The following TPSG1 variants were observed in gnomAD, a reference collection of about 807,000 sequenced individuals.
TPSG1 encodes tryptase gamma.
Under a neutral mutation model 23.8 loss-of-function variants are expected in TPSG1, and 43 were observed. The observed-to-expected ratio is 1.81, with a 90% CI of 1.42 to 2.33. The LOEUF (loss-of-function observed/expected upper bound fraction) is 2.33, where lower values mean the gene tolerates loss of function less well. TPSG1 is among the 30% of genes most tolerant of loss of function. The probability of loss-of-function intolerance (pLI) is 0.00; values close to 1 mark genes in which losing one functional copy is unlikely to be tolerated. For missense variants in TPSG1, 623 were observed against 438.6 expected (o/e 1.42, Z -3.75); for synonymous variants, 302 against 201.3 (o/e 1.50, Z -4.23).
intron 4 of TPSG1, 35 bp from the exon 5 acceptor site, chr16:1,222,376 G>A: frequency 6.5e-7 from 1 of 1,549,382 alleles, no homozygotes; most frequent in South Asian, 1.2e-5. Context: ...GAGAAGGTTG[G>A]GGCACCAGGC....
At position 1,222,774 on chromosome 16, in the gene TPSG1, T is replaced by C. The variant is rs1314559632; in HGVS notation, c.389A>G (p.Glu130Gly). ...PGTSGDIALV[E>G]LSVPVTLSSR... ...GGAGAGGGTCACGGGGACACTGAGCTCCACCAGGGCGATGTCCCCGCTGGT... is the reference window on the plus strand; with the variant it reads ...GGAGAGGGTCACGGGGACACTGAGCCCCACCAGGGCGATGTCCCCGCTGGT... Residue 130 changes from glutamate to glycine, a missense_variant, in exon 4 of 6, where the codon GAG becomes GGG. Coordinates refer to ENST00000234798, the MANE Select transcript of TPSG1 (RefSeq NM_012467.4). 1 of 1,612,258 alleles carries C rather than the reference T, an allele frequency of 6.2e-7. No individual in the cohort carries two copies. The highest frequency in any genetic ancestry group is 8.5e-7 in the Non-Finnish European group (1 of 1,179,734).
intron 3 of TPSG1, 125 bp from the exon 4 acceptor site, chr16:1,223,042 CAGAA>C: frequency 7.9e-7 from 1 of 1,263,266 alleles, no homozygotes; most frequent in Non-Finnish European, 1.1e-6. Context: ...GCTTGGGACG[CAGAA>C]AGCCTGGGCA....
rs528265465 is a variant in TPSG1 at position 1,223,632 on chromosome 16, C to T, written c.74-38G>A. 3.3e-6 allele frequency: 5 copies of T among 1,524,472 alleles called. No homozygotes were observed. In the African/African-American group the frequency reaches 4.2e-5, roughly 13 times the overall value. The allele number at this position is 1,524,472 out of a possible 1,614,324, so 94.4% of individuals were successfully genotyped here. A position where few individuals can be genotyped will look rare whatever the true frequency, so the allele number is the denominator to read the frequency against. ...AGGAAGGGGTGCCTGGTGGGGATCC[C>T]AAGAAACCCACTGCACTTCCTCCAT... On this transcript the variant is annotated intron_variant, in intron 2 of 5. Transcript: ENST00000234798.
chr16:1,223,492 C>A lies in TPSG1; in HGVS notation c.176G>T (p.Arg59Met). ...WPWQASLRLR[R>M]VHVCGGSLLS... ...CAGTGACCCGCCGCACACGTGCACC[C>A]TCCGCAGGCGGAGGCTGGCCTGCCA... Residue 59 changes from arginine to methionine, a missense_variant, in exon 3 of 6, where the codon AGG becomes ATG. Arg to Met is a moderately conservative substitution (Grantham distance 91, BLOSUM62 -1). Transcript: ENST00000234798. The A allele has an allele frequency of 6.3e-7, 1 of 1,576,770 alleles. No individual in the cohort carries two copies. The highest frequency in any genetic ancestry group is 2.3e-5 in the East Asian group (1 of 43,236).
chr16:1,222,479 C>T (rs942031169), intron 4 of TPSG1, 138 bp from the exon 5 acceptor site: 18 of 1,255,566 alleles, frequency 1.4e-5, no homozygotes, highest in South Asian at 4.3e-5. Context: ...TGACGTTTGG[C>T]TGCTGCTTTG....
chr16:1,223,701 G>A (rs1000491486), intron 2 of TPSG1, 107 bp from the exon 3 acceptor site: 3 of 1,300,074 alleles, frequency 2.3e-6, no homozygotes, highest in Non-Finnish European at 3.1e-6. Context: ...TGGGGACTTT[G>A]CTCTTCAGCT....
chr16:1,224,582 C>G lies in TPSG1; in HGVS notation c.73+20G>C. 1 of 1,613,764 alleles carries G rather than the reference C, an allele frequency of 6.2e-7. No individual in the cohort carries two copies. The highest frequency in any genetic ancestry group is 1.1e-5 in the South Asian group (1 of 91,086). On this transcript the variant is annotated intron_variant, in intron 2 of 5. Transcript: ENST00000234798. ...CTTGCCTGCACCCTCCCCCACACCC[C>G]ACACCTGTCAGAGACGTACCTGGCT...
Position 1,222,898 on chromosome 16 carries a change from AG to A in TPSG1, c.264del (p.Tyr89ThrfsTer19). On this transcript the variant is annotated frameshift_variant, in exon 4 of 6. Coordinates refer to ENST00000234798, the MANE Select transcript of TPSG1 (RefSeq NM_012467.4). LOFTEE classifies it high-confidence loss of function. ...TCCAGTTCCCCCAGGTGCACCTGGT[AG>A]TCGGATGAGTTCAGGGACCTGGGAG... The part of the protein sequence containing the change: ...HCFSGSLNSS[D>X]YQVHLGELEI... 1 of 1,607,510 alleles carries A rather than the reference AG, an allele frequency of 6.2e-7. No individual in the cohort carries two copies. Among genetic ancestry groups the A allele is most frequent in the East Asian group, 2.2e-5 (1 of 44,750 alleles).
chr16:1,223,041 G>T (rs990253478), intron 3 of TPSG1, 124 bp from the exon 4 acceptor site: 1 of 1,263,286 alleles, frequency 7.9e-7, no homozygotes, highest in Middle Eastern at 2.8e-4. Context: ...GGCTTGGGAC[G>T]CAGAAAGCCT....
intron 2 of TPSG1, chr16:1,224,080 G>A (rs1284891476): frequency 3.6e-5 from 7 of 194,624 alleles, no homozygotes; most frequent in Non-Finnish European, 7.2e-5. Context: ...TTTATCTTCT[G>A]TAAACTTCAC....
At chr16:1,224,753 C>A in intron 1 of TPSG1, 125 bp from the exon 2 acceptor site, 1 of 1,237,866 alleles carries the variant, frequency 8.1e-7, no homozygotes, top group Non-Finnish European at 1.2e-6. Context: ...GCAGAGGGGC[C>A]CGGCCTGGTG....
In TPSG1 at chr16:1,224,482, G is replaced by T. The variant is rs2294610; in HGVS notation, c.73+120C>A. 150 of 1,352,078 alleles carry T rather than the reference G, an allele frequency of 1.1e-4. 1 individual carries two copies. The African/African-American group carries it at 1.9e-3, about 17-fold the overall frequency. The allele number at this position is 1,352,078 out of a possible 1,614,324, so 83.8% of individuals were successfully genotyped here. A position where few individuals can be genotyped will look rare whatever the true frequency, so the allele number is the denominator to read the frequency against. Reference sequence around the variant, plus strand: ...GAGAGATGCGAGCAGAAACCACGGCGACAAACTATGACCTCCCCGGGCCCC... The same window carrying T: ...GAGAGATGCGAGCAGAAACCACGGCTACAAACTATGACCTCCCCGGGCCCC... On this transcript the variant is annotated intron_variant, in intron 2 of 5. Coordinates refer to ENST00000234798, the MANE Select transcript of TPSG1 (RefSeq NM_012467.4).
rs908900209 is a variant in TPSG1 at position 1,222,182 on chromosome 16, C to A, written c.657+14G>T. ...CAGCCGCCCCCATCCTCTGTCACGGCCTGGCAGGCTCACCTGGCAGGCATC... is the reference window on the plus strand; with the variant it reads ...CAGCCGCCCCCATCCTCTGTCACGGACTGGCAGGCTCACCTGGCAGGCATC... On this transcript the variant is annotated intron_variant, in intron 5 of 5. Transcript: ENST00000234798. The A allele has an allele frequency of 1.9e-6, 3 of 1,611,392 alleles. No individual in the cohort carries two copies. Among genetic ancestry groups the A allele is most frequent in the African/African-American group, 1.3e-5 (1 of 75,046 alleles).
chr16:1,222,274 G>C lies in TPSG1; in HGVS notation c.579C>G (p.Arg193=). ...KVSVVDTETC[R]RDYPGPGGSI... ...TGCCCCCGGGGCCGGGATAGTCCCG[G>C]CGGCAGGTCTCTGTGTCCACCACGG... Residue 193 remains arginine, a synonymous_variant, in exon 5 of 6, where the codon CGC becomes CGG. Transcript: ENST00000234798. 1 of 1,611,954 alleles carries C rather than the reference G, an allele frequency of 6.2e-7. No homozygotes were observed.
In TPSG1 at chr16:1,223,321, C is replaced by G. The variant is rs1011653611; in HGVS notation, c.245+102G>C. 15 of 1,372,808 alleles carry G rather than the reference C, an allele frequency of 1.1e-5. No homozygotes were observed. The African/African-American group carries it at 2.2e-4, about 20-fold the overall frequency. 85.0% of individuals were successfully genotyped at this position (1,372,808 alleles called of 1,614,324 possible). A position where few individuals can be genotyped will look rare whatever the true frequency, so the allele number is the denominator to read the frequency against. ...TGGAAGGAAGTAGGCTCAGAGTTCC[C>G]AAGCCTCGGAGTGAGTCAAGACCAA... On this transcript the variant is annotated intron_variant, in intron 3 of 5. Coordinates refer to ENST00000234798, the MANE Select transcript of TPSG1 (RefSeq NM_012467.4).
At chr16:1,224,773 C>G (rs111259374) in intron 1 of TPSG1, 145 bp from the exon 2 acceptor site, 44,404 of 945,158 alleles carry the variant, frequency 0.047, 1,313 homozygotes, top group Middle Eastern at 0.069. Flanking sequence ...GAGGCTGGGT[C>G]AACTGCTGTC....
Position 1,222,104 on chromosome 16 carries a change from CAG to C in TPSG1, c.658-10_658-9del. The C allele has an allele frequency of 1.2e-6, 2 of 1,612,672 alleles. No homozygotes were observed. Among genetic ancestry groups the C allele is most frequent in the East Asian group, 2.2e-5 (1 of 44,872 alleles). Reference sequence around the variant, plus strand: ...AGGCCCCCCGGAGTCGTCCTGAGGACAGAGAAGGCGAGCATTGGGAGCCGAGA... The same window carrying C: ...AGGCCCCCCGGAGTCGTCCTGAGGACAGAAGGCGAGCATTGGGAGCCGAGA... On this transcript the variant is annotated splice_polypyrimidine_tract_variant and intron_variant, in intron 5 of 5. Transcript: ENST00000234798.
rs779672142 is a variant in TPSG1 at position 1,222,356 on chromosome 16, AC to A, written c.512-16del. 6.4e-7 allele frequency: 1 copy of A among 1,572,716 alleles called. No homozygotes were observed. ...TGGCAGAGGCTCTGGGGTGGGGGGA[AC>A]AGGCTTCAGAGAAGGTTGGGGCACC... On this transcript the variant is annotated splice_polypyrimidine_tract_variant and intron_variant, in intron 4 of 5. Coordinates refer to ENST00000234798, the MANE Select transcript of TPSG1 (RefSeq NM_012467.4).
chr16:1,222,356 A>G lies in TPSG1; in HGVS notation c.512-15T>C, dbSNP rs1555521883. ...TGGCAGAGGCTCTGGGGTGGGGGGA[A>G]CAGGCTTCAGAGAAGGTTGGGGCAC... On this transcript the variant is annotated splice_polypyrimidine_tract_variant and intron_variant, in intron 4 of 5. Transcript: ENST00000234798. The G allele has an allele frequency of 6.4e-6, 10 of 1,572,716 alleles. No individual in the cohort carries two copies. The highest frequency in any genetic ancestry group is 8.6e-6 in the Non-Finnish European group (10 of 1,157,376).
Sources: gnomAD v4.1 joint callset for allele counts on GRCh38, gnomAD v4.1.1 for gene constraint, MANE v1.5 for transcripts, NCBI Gene and HGNC (gene_info 2026-07-23, HGNC 2026-07-21) for gene names.